CD302: variants seen among roughly 807,000 people sequenced by gnomAD.
CD302 encodes the protein CD302 antigen.
CD302 carries 23 observed loss-of-function variants against 26.5 expected under a neutral mutation model. That is an observed-to-expected ratio of 0.87 (90% CI 0.62 to 1.23). CD302 has a LOEUF of 1.23. Ranked by LOEUF, CD302 falls within the 50% of genes most tolerant of loss-of-function variation. The pLI is 0.00. For missense variants in CD302, 290 were observed against 275.5 expected (o/e 1.05, Z -0.37); for synonymous variants, 90 against 99.4 (o/e 0.91, Z 0.56).
Position 159,770,949 on chromosome 2 carries a change from C to CATTT in CD302, c.*898_*901dup, listed in dbSNP as rs1239840535. 2 of 152,094 alleles carry CATTT rather than the reference C, an allele frequency of 1.3e-5. No homozygotes were observed. The highest frequency in any genetic ancestry group is 4.8e-5 in the African/African-American group (2 of 41,432). The allele number at this position is 152,094 out of a possible 1,614,324, so 9.4% of individuals were successfully genotyped here. ...GGAAAATTACTCGTTTCAGCTTTTT[C>CATTT]ATTTTTTTACTCCCCAAATGATTTT... On this transcript the variant is annotated 3_prime_UTR_variant, in exon 6 of 6. Coordinates refer to ENST00000259053, the MANE Select transcript of CD302 (RefSeq NM_014880.5).
In CD302 at chr2:159,770,936, G is replaced by A. The variant is rs1481721489; in HGVS notation, c.*915C>T. 3 of 151,988 alleles carry A rather than the reference G, an allele frequency of 2.0e-5. No individual in the cohort carries two copies. The highest frequency in any genetic ancestry group is 4.4e-5 in the Non-Finnish European group (3 of 67,960). 9.4% of individuals were successfully genotyped at this position (151,988 alleles called of 1,614,324 possible). On this transcript the variant is annotated 3_prime_UTR_variant, in exon 6 of 6. Coordinates refer to ENST00000259053, the MANE Select transcript of CD302 (RefSeq NM_014880.5). Reference sequence around the variant, plus strand: ...TTATTGATGGTGAGGAAAATTACTCGTTTCAGCTTTTTCATTTTTTTACTC... The same window carrying A: ...TTATTGATGGTGAGGAAAATTACTCATTTCAGCTTTTTCATTTTTTTACTC...
rs577039951 is a variant in CD302, at chr2:159,788,039, G to A, written c.68-4570C>T. 1.1e-4 allele frequency among the ~76,000 whole-genome samples: 17 copies of A among 152,064 alleles called. No individual in the cohort carries two copies. In the South Asian group the frequency reaches 2.3e-3, roughly 20 times the overall value. ...GGAGAATCACTTGAACCCAGGAGGC[G>A]GAGGTTGCAGTGAGCCAAGATTGCA... On this transcript the variant is annotated intron_variant, in intron 1 of 5. Coordinates refer to ENST00000259053, the MANE Select transcript of CD302 (RefSeq NM_014880.5).
chr2:159,771,730 A>T lies in CD302; in HGVS notation c.*121T>A. ...CAGCAGATGAGTACATAAAAATGTT[A>T]CTGGAATAAGGAATACCATTAAAGC... On this transcript the variant is annotated 3_prime_UTR_variant, in exon 6 of 6. Coordinates refer to ENST00000259053, the MANE Select transcript of CD302 (RefSeq NM_014880.5). 1 of 1,141,120 alleles carries T rather than the reference A, an allele frequency of 8.8e-7. No homozygotes were observed. The highest frequency in any genetic ancestry group is 1.2e-6 in the Non-Finnish European group (1 of 814,340). The allele number at this position is 1,141,120 out of a possible 1,614,324, so 70.7% of individuals were successfully genotyped here. A position where few individuals can be genotyped will look rare whatever the true frequency, so the allele number is the denominator to read the frequency against.
At chr2:159,798,051 C>T in intron 1 of CD302, 81 bp downstream of exon 1, 1 of 1,344,988 alleles carries the variant, frequency 7.4e-7, no homozygotes, top group Non-Finnish European at 1.0e-6. Context: ...CCCTCGGGTG[C>T]GCGGGGACGA....
chr2:159,770,102 CTT>C lies in CD302; in HGVS notation c.*1747_*1748del, dbSNP rs1209597937. ...CTCCTTTAAGAACTCCTTTAGAACT[CTT>C]TTAGTTCACATAATACGCCATATTT... On this transcript the variant is annotated 3_prime_UTR_variant, in exon 6 of 6. Coordinates refer to ENST00000259053, the MANE Select transcript of CD302 (RefSeq NM_014880.5). 2.7e-5 allele frequency: 4 copies of C among 147,462 alleles called. No individual in the cohort carries two copies. The highest frequency in any genetic ancestry group is 1.3e-4 in the Admixed American group (2 of 14,988). 9.1% of individuals were successfully genotyped at this position (147,462 alleles called of 1,614,324 possible).
chr2:159,793,940 A>G (rs911635491), intron 1 of CD302, among the ~76,000 whole-genome samples: 2 of 151,992 alleles, frequency 1.3e-5, no homozygotes, highest in African/African-American at 4.8e-5. Flanking sequence ...CTATTTTTTA[A>G]AGATTTGGTC....
At chr2:159,789,382 G>C (rs1708748867) in intron 1 of CD302, among the ~76,000 whole-genome samples, 3 of 151,954 alleles carry the variant, frequency 2.0e-5, no homozygotes, top group Admixed American at 2.0e-4. Context: ...ATTTCAACTT[G>C]ATTATATTTT....
chr2:159,793,796 C>T (rs1708871073), intron 1 of CD302, among the ~76,000 whole-genome samples: 1 of 152,136 alleles, frequency 6.6e-6, no homozygotes. Flanking sequence ...TATCACTCTT[C>T]CCAATCTAGC....
intron 1 of CD302, 53 bp downstream of exon 1, chr2:159,798,079 G>T (rs758418643): frequency 6.8e-7 from 1 of 1,466,250 alleles, no homozygotes; most frequent in Non-Finnish European, 9.1e-7. Context: ...GCGTTGGGAA[G>T]GGGGCGAAGG....
intron 5 of CD302, among the ~76,000 whole-genome samples, chr2:159,774,982 T>C (rs1217589095): frequency 6.6e-6 from 1 of 152,214 alleles, no homozygotes. Flanking sequence ...ACTTTGACTT[T>C]AGGTCTTCAT....
intron 5 of CD302, 33 bp from the exon 6 acceptor site, chr2:159,772,086 A>G: frequency 6.2e-7 from 1 of 1,605,294 alleles, no homozygotes; most frequent in Non-Finnish European, 8.5e-7. Flanking sequence ...GTATTTGGGA[A>G]ATTAGGGTAC....
intron 5 of CD302, among the ~76,000 whole-genome samples, chr2:159,774,973 C>CT (rs1708266481): frequency 6.6e-6 from 1 of 152,206 alleles, no homozygotes; most frequent in Non-Finnish European, 1.5e-5. Context: ...CAGGCTTTCA[C>CT]TTTGACTTTA....
intron 5 of CD302, among the ~76,000 whole-genome samples, chr2:159,777,040 T>A (rs1356624714): frequency 6.6e-6 from 1 of 151,714 alleles, no homozygotes; most frequent in Non-Finnish European, 1.5e-5. Context: ...GTGGATCCTT[T>A]GAACCCAGGA....
In CD302 at chr2:159,784,258, G is replaced by A. The variant is rs185837815; in HGVS notation, c.68-789C>T. Among the ~76,000 whole-genome samples the A allele has an allele frequency of 6.6e-5, 10 of 150,840 alleles. No homozygotes were observed. In the East Asian group the frequency reaches 1.2e-3, roughly 18 times the overall value. On this transcript the variant is annotated intron_variant, in intron 1 of 5. Transcript: ENST00000259053. The stretch of plus-strand genomic sequence containing the variant: ...AATAAAGAAGTACAAAGCAGTAAGC[G>A]TCCATATTCTGTTAGGTTTGTATAT...
intron 4 of CD302, among the ~76,000 whole-genome samples, chr2:159,779,737 C>T (rs758101966): frequency 6.6e-6 from 1 of 151,850 alleles, no homozygotes; most frequent in Non-Finnish European, 1.5e-5. Context: ...CCATGTATTT[C>T]GGACCGCAGG....
chr2:159,770,660 AT>A lies in CD302; in HGVS notation c.*1190del, dbSNP rs1040880366. The A allele has an allele frequency of 6.6e-6, 1 of 152,020 alleles. No homozygotes were observed. Among genetic ancestry groups the A allele is most frequent in the Non-Finnish European group, 1.5e-5 (1 of 68,006 alleles). 9.4% of individuals were successfully genotyped at this position (152,020 alleles called of 1,614,324 possible). ...GAACAGTGTTTCCTTAGTAGACCAT[AT>A]TTTTACTGTACCTTTTCTATATTTA... On this transcript the variant is annotated 3_prime_UTR_variant, in exon 6 of 6. Transcript: ENST00000259053.
chr2:159,777,137 G>A (rs1000579684), intron 5 of CD302, among the ~76,000 whole-genome samples: 3 of 152,180 alleles, frequency 2.0e-5, no homozygotes, highest in Non-Finnish European at 4.4e-5. Flanking sequence ...TGTAGTCCCA[G>A]CTACTTGGGA....
In CD302 at chr2:159,769,405, G is replaced by T. The variant is rs1331376614; in HGVS notation, c.*2446C>A. 6.6e-6 allele frequency: 1 copy of T among 152,222 alleles called. No homozygotes were observed. Among genetic ancestry groups the T allele is most frequent in the Non-Finnish European group, 1.5e-5 (1 of 68,046 alleles). The allele number at this position is 152,222 out of a possible 1,614,324, so 9.4% of individuals were successfully genotyped here. A position where few individuals can be genotyped will look rare whatever the true frequency, so the allele number is the denominator to read the frequency against. On this transcript the variant is annotated 3_prime_UTR_variant, in exon 6 of 6. Transcript: ENST00000259053. ...CGCATGTAATCCCAGCACTTTGGGA[G>T]ACCAAGGTGGGTGGATCACTTGAGG... is the stretch of plus-strand genomic sequence containing the variant.
At chr2:159,772,093 G>T in intron 5 of CD302, 40 bp from the exon 6 acceptor site, 3 of 1,594,244 alleles carry the variant, frequency 1.9e-6, no homozygotes, top group Non-Finnish European at 2.6e-6. Context: ...GGAAATTAGG[G>T]TACACAAGTT....
Sources: allele counts gnomAD v4.1 joint callset (sites outside exome capture counted in the v4.1 genomes callset), GRCh38; gene constraint gnomAD v4.1.1; transcripts MANE v1.5; gene names NCBI Gene and HGNC (gene_info 2026-07-23, HGNC 2026-07-21).